SLC8A3: variants seen among roughly 807,000 people sequenced by gnomAD.
The protein encoded by SLC8A3 is solute carrier family 8 member A3, also known as sodium/calcium exchanger 3.
SLC8A3 carries 37 observed loss-of-function variants against 65.4 expected under a neutral mutation model. The observed-to-expected ratio is 0.57, with a 90% CI of 0.44 to 0.74. The LOEUF (loss-of-function observed/expected upper bound fraction) is 0.74, where lower values mean the gene tolerates loss of function less well. Ranked by LOEUF, SLC8A3 falls within the 30% of genes least tolerant of loss-of-function variation. SLC8A3 has a pLI of 0.00. For synonymous variants in SLC8A3, 461 were observed against 444.5 expected (o/e 1.04, Z -0.47); for missense variants, 1,112 against 1,172.1 (o/e 0.95, Z 0.75).
intron 2 of SLC8A3, among the ~76,000 whole-genome samples, chr14:70,115,356 A>T (rs1278683492): frequency 6.6e-6 from 1 of 152,232 alleles, no homozygotes; most frequent in African/African-American, 2.4e-5. Flanking sequence ...TGCAAAGATG[A>T]TTCCGGAGAG....
intron 2 of SLC8A3, among the ~76,000 whole-genome samples, chr14:70,153,564 C>G (rs929395858): frequency 6.6e-6 from 1 of 152,204 alleles, no homozygotes; most frequent in African/African-American, 2.4e-5. Flanking sequence ...CCTTCTATAG[C>G]AGCTAGCACA....
chr14:70,163,203 C>A (rs539330088), intron 2 of SLC8A3, among the ~76,000 whole-genome samples: 1 of 152,186 alleles, frequency 6.6e-6, no homozygotes, highest in Non-Finnish European at 1.5e-5. Context: ...ATTTAGTATT[C>A]CCTTGAAGGA....
At position 70,114,557 on chromosome 14, in the gene SLC8A3, T is replaced by C. The variant is rs143117249; in HGVS notation, c.1784+52082A>G. 5.9e-5 allele frequency among the ~76,000 whole-genome samples: 9 copies of C among 152,318 alleles called. No individual in the cohort carries two copies. The East Asian group carries it at 1.5e-3, about 26-fold the overall frequency. ...TTCGGAAATGCAATGGCTGAAATTGTTGGAGGTTGGTTTCAAAAGCACTCT... is the reference window on the plus strand; with the variant it reads ...TTCGGAAATGCAATGGCTGAAATTGCTGGAGGTTGGTTTCAAAAGCACTCT... On this transcript the variant is annotated intron_variant, in intron 2 of 6. Coordinates refer to ENST00000356921, the MANE Select transcript of SLC8A3 (RefSeq NM_182932.3).
At chr14:70,130,861 A>G (rs780380831) in intron 2 of SLC8A3, among the ~76,000 whole-genome samples, 11 of 152,392 alleles carry the variant, frequency 7.2e-5, no homozygotes, top group African/African-American at 1.4e-4. Flanking sequence ...CCATAGAGTA[A>G]GAGCCACTGG....
At chr14:70,151,847 A>C (rs912107064) in intron 2 of SLC8A3, among the ~76,000 whole-genome samples, 6 of 151,784 alleles carry the variant, frequency 4.0e-5, no homozygotes, top group Admixed American at 3.9e-4. Context: ...GCCTCACTCC[A>C]TTCTTTGTCT....
chr14:70,123,396 T>A (rs1032282355), intron 2 of SLC8A3, among the ~76,000 whole-genome samples: 2 of 151,898 alleles, frequency 1.3e-5, no homozygotes, highest in Admixed American at 1.3e-4. Flanking sequence ...ATAATGTTAA[T>A]GATGTGTTTG....
At chr14:70,162,301 C>T (rs1433613208) in intron 2 of SLC8A3, among the ~76,000 whole-genome samples, 2 of 152,192 alleles carry the variant, frequency 1.3e-5, no homozygotes, top group Non-Finnish European at 2.9e-5. Context: ...CAAACCCTCA[C>T]TTTCTAACGT....
At chr14:70,169,151 T>C (rs1232500629) in intron 1 of SLC8A3, among the ~76,000 whole-genome samples, 3 of 152,120 alleles carry the variant, frequency 2.0e-5, no homozygotes, top group Non-Finnish European at 4.4e-5. Context: ...AACAGAGCAA[T>C]AAACCTTGAA....
intron 2 of SLC8A3, among the ~76,000 whole-genome samples, chr14:70,090,712 T>A (rs1413074799): frequency 1.3e-5 from 2 of 152,200 alleles, no homozygotes; most frequent in African/African-American, 4.8e-5. Flanking sequence ...ATTTCCTTGA[T>A]GAATTTGTAT....
chr14:70,159,844 T>C (rs1896784125), intron 2 of SLC8A3, among the ~76,000 whole-genome samples: 1 of 152,138 alleles, frequency 6.6e-6, no homozygotes, highest in South Asian at 2.1e-4. Context: ...AAGTGGCCAT[T>C]CATGTGATCA....
intron 4 of SLC8A3, 121 bp downstream of exon 4, chr14:70,051,869 A>C (rs1566734069): frequency 1.3e-6 from 1 of 756,340 alleles, no homozygotes. Flanking sequence ...GGGGTGGGTA[A>C]GTGATTTGTT....
At chr14:70,173,638 T>A (rs1310317419) in intron 1 of SLC8A3, among the ~76,000 whole-genome samples, 1 of 152,202 alleles carries the variant, frequency 6.6e-6, no homozygotes, top group Non-Finnish European at 1.5e-5. Flanking sequence ...GGTAGAGTTG[T>A]CCCACTCTGC....
At chr14:70,067,598 A>G (rs190604638) in intron 2 of SLC8A3, among the ~76,000 whole-genome samples, 1 of 152,314 alleles carries the variant, frequency 6.6e-6, no homozygotes, top group African/African-American at 2.4e-5. Flanking sequence ...ACTTCGTAAA[A>G]TGAATCCACT....
intron 2 of SLC8A3, among the ~76,000 whole-genome samples, chr14:70,124,550 G>A (rs778768356): frequency 5.3e-5 from 8 of 152,148 alleles, no homozygotes; most frequent in Admixed American, 2.6e-4. Flanking sequence ...TGTCCTTTAC[G>A]GTAACCAGGT....
chr14:70,128,954 T>C (rs890219383), intron 2 of SLC8A3, among the ~76,000 whole-genome samples: 6 of 152,232 alleles, frequency 3.9e-5, no homozygotes, highest in African/African-American at 1.4e-4. Context: ...ATGGGTATGA[T>C]AGCTGTTGTG....
At chr14:70,074,756 T>C (rs994662974) in intron 2 of SLC8A3, among the ~76,000 whole-genome samples, 8 of 152,224 alleles carry the variant, frequency 5.3e-5, no homozygotes, top group African/African-American at 1.9e-4. Context: ...AATAATATTT[T>C]AATGCAATGA....
chr14:70,131,320 T>A (rs573730983), intron 2 of SLC8A3, among the ~76,000 whole-genome samples: 8 of 152,118 alleles, frequency 5.3e-5, no homozygotes, highest in Non-Finnish European at 1.2e-4. Context: ...ACTGAAATGA[T>A]GTAGAAGAGG....
At chr14:70,164,658 A>C (rs532640944) in intron 2 of SLC8A3, among the ~76,000 whole-genome samples, 2 of 152,344 alleles carry the variant, frequency 1.3e-5, no homozygotes, top group African/African-American at 4.8e-5. Flanking sequence ...GAATGAACTA[A>C]GCCTCTGATC....
intron 2 of SLC8A3, among the ~76,000 whole-genome samples, chr14:70,113,684 A>T (rs768416288): frequency 5.9e-5 from 9 of 152,214 alleles, no homozygotes; most frequent in East Asian, 1.9e-4. Flanking sequence ...GAGATTAAAA[A>T]TGAGGTGAAT....
Sources: allele counts gnomAD v4.1 joint callset (sites outside exome capture counted in the v4.1 genomes callset), GRCh38; gene constraint gnomAD v4.1.1; transcripts MANE v1.5; gene names NCBI Gene and HGNC (gene_info 2026-07-23, HGNC 2026-07-21).